The following OR13G1 variants were observed in gnomAD, a reference collection of about 807,000 sequenced individuals.
OR13G1 encodes the protein olfactory receptor family 13 subfamily G member 1, also known as olfactory receptor 13G1.
For missense variants in OR13G1, 369 were observed against 385.7 expected (o/e 0.96, Z 0.36); for synonymous variants, 128 against 136.2 (o/e 0.94, Z 0.42).
intron 1 of OR13G1, among the ~76,000 whole-genome samples, chr1:247,678,493 C>G (rs1263984856): frequency 6.6e-6 from 1 of 152,202 alleles, no homozygotes; most frequent in African/African-American, 2.4e-5. Flanking sequence ...CTCGTACTCT[C>G]ATATTCCTGA....
At chr1:247,678,657 T>G (rs1659398816) in intron 1 of OR13G1, among the ~76,000 whole-genome samples, 2 of 152,230 alleles carry the variant, frequency 1.3e-5, no homozygotes, top group South Asian at 4.1e-4. Flanking sequence ...TGAAAGTAGC[T>G]ACTTCTTAAT....
At chr1:247,675,911 A>C (rs1659337894) in intron 1 of OR13G1, among the ~76,000 whole-genome samples, 1 of 152,092 alleles carries the variant, frequency 6.6e-6, no homozygotes, top group African/African-American at 2.4e-5. Flanking sequence ...TTTGCTGCAA[A>C]TCAAAAGCCA....
Position 247,671,343 on chromosome 1 carries a change from A to T in OR13G1, c.*775T>A, listed in dbSNP as rs748456482. The stretch of plus-strand genomic sequence containing the variant: ...TTGGGTTATGGATGAGACGCCTAGT[A>T]ATACAAAAGCCATTCATGATCCTAG... On this transcript the variant is annotated 3_prime_UTR_variant, in exon 2 of 2. Coordinates refer to ENST00000642119, the MANE Select transcript of OR13G1 (RefSeq NM_001005487.2). The T allele has an allele frequency of 6.6e-6, 1 of 152,050 alleles. No homozygotes were observed. Among genetic ancestry groups the T allele is most frequent in the Non-Finnish European group, 1.5e-5 (1 of 68,014 alleles). 9.4% of individuals were successfully genotyped at this position (152,050 alleles called of 1,614,324 possible).
chr1:247,676,254 G>T (rs1659343912), intron 1 of OR13G1, among the ~76,000 whole-genome samples: 1 of 151,914 alleles, frequency 6.6e-6, no homozygotes, highest in South Asian at 2.1e-4. Context: ...CCAATCAAAG[G>T]TAAAAATAAT....
intron 1 of OR13G1, among the ~76,000 whole-genome samples, chr1:247,677,325 G>A (rs1470847173): frequency 6.6e-6 from 1 of 152,150 alleles, no homozygotes; most frequent in East Asian, 1.9e-4. Context: ...TTGTTGTTAA[G>A]TAGTCGATAA....
At chr1:247,679,355 T>C (rs1176005) in intron 1 of OR13G1, among the ~76,000 whole-genome samples, 58,892 of 151,988 alleles carry the variant, frequency 0.39, 12,335 homozygotes, top group East Asian at 0.59. Flanking sequence ...ACTCCAACTT[T>C]TGCATATTTG....
chr1:247,679,499 TGTG>T (rs1382197338), intron 1 of OR13G1, 138 bp downstream of exon 1: 1 of 144,802 alleles, frequency 6.9e-6, no homozygotes, highest in East Asian at 1.9e-4. Flanking sequence ...TGTGTGTGTG[TGTG>T]TGTGTGTGTG....
At chr1:247,675,093 G>T (rs1659317170) in intron 1 of OR13G1, among the ~76,000 whole-genome samples, 1 of 152,052 alleles carries the variant, frequency 6.6e-6, no homozygotes, top group Admixed American at 6.6e-5. Context: ...AGCGGTTCTG[G>T]TCTGGTCATT....
At position 247,672,184 on chromosome 1, in the gene OR13G1, C is replaced by T. The variant is rs1206625546; in HGVS notation, c.858G>A (p.Val286=). 1 of 1,614,092 alleles carries T rather than the reference C, an allele frequency of 6.2e-7. No individual in the cohort carries two copies. Among genetic ancestry groups the T allele is most frequent in the Non-Finnish European group, 8.5e-7 (1 of 1,179,984 alleles). ...TLVTPTLNPM[V]YSFQNREMQA... is the part of the protein sequence containing the mutation. ...GCATCTCCCTATTCTGGAAGCTGTA[C>T]ACCATCGGGTTTAATGTGGGAGTCA... The change falls in exon 2 of 2, where the codon GTG becomes GTA. Residue 286 remains valine, a synonymous_variant. Coordinates refer to ENST00000642119, the MANE Select transcript of OR13G1 (RefSeq NM_001005487.2).
At chr1:247,676,041 C>T (rs990271626) in intron 1 of OR13G1, among the ~76,000 whole-genome samples, 5 of 151,966 alleles carry the variant, frequency 3.3e-5, no homozygotes, top group African/African-American at 1.2e-4. Flanking sequence ...CAAGAAAAAT[C>T]AGTGAAATTT....
chr1:247,671,838 A>G lies in OR13G1; in HGVS notation c.*280T>C. ...TGCACATATAGGTAAATATTTGTGT[A>G]TATGCATATATAAGTATTCGAAGTT... On this transcript the variant is annotated 3_prime_UTR_variant, in exon 2 of 2. Coordinates refer to ENST00000642119, the MANE Select transcript of OR13G1 (RefSeq NM_001005487.2). 5.2e-6 allele frequency: 2 copies of G among 386,434 alleles called. No homozygotes were observed. The highest frequency in any genetic ancestry group is 1.0e-4 in the South Asian group (2 of 19,426). 23.9% of individuals were successfully genotyped at this position (386,434 alleles called of 1,614,324 possible).
chr1:247,679,322 A>T (rs1659414901), intron 1 of OR13G1, among the ~76,000 whole-genome samples: 1 of 152,188 alleles, frequency 6.6e-6, no homozygotes, highest in Non-Finnish European at 1.5e-5. Context: ...ATGTTAACCT[A>T]AATTTAGTTG....
chr1:247,672,608 A>C lies in OR13G1; in HGVS notation c.434T>G (p.Val145Gly). Residue 145 changes from valine to glycine, a missense_variant, in exon 2 of 2, where the codon GTC becomes GGC. Transcript: ENST00000642119. ...HHMCVALLSMVMAIAVTNSWV... is the reference protein window; with the variant it reads ...HHMCVALLSMGMAIAVTNSWV... ...GGAATTGGTGACTGCAATAGCCATG[A>C]CCATGCTGAGCAAGGCTACACACAT... 7 of 1,614,034 alleles carry C rather than the reference A, an allele frequency of 4.3e-6. No homozygotes were observed. Among genetic ancestry groups the C allele is most frequent in the Non-Finnish European group, 5.9e-6 (7 of 1,179,952 alleles).
rs926364498 is a variant in OR13G1 at position 247,671,495 on chromosome 1, G to A, written c.*623C>T. The stretch of plus-strand genomic sequence containing the variant: ...CAGACTAATGTTGCATGAGGCATAA[G>A]TGTACTCACTGGTTTAAAAGGACTG... On this transcript the variant is annotated 3_prime_UTR_variant, in exon 2 of 2. Coordinates refer to ENST00000642119, the MANE Select transcript of OR13G1 (RefSeq NM_001005487.2). 2 of 153,812 alleles carry A rather than the reference G, an allele frequency of 1.3e-5. No homozygotes were observed. The highest frequency in any genetic ancestry group is 4.8e-5 in the African/African-American group (2 of 41,460). 9.5% of individuals were successfully genotyped at this position (153,812 alleles called of 1,614,324 possible). A position where few individuals can be genotyped will look rare whatever the true frequency, so the allele number is the denominator to read the frequency against.
At position 247,673,294 on chromosome 1, in the gene OR13G1, T is replaced by G. The variant is rs552211796; in HGVS notation, c.-238-15A>C. On this transcript the variant is annotated splice_polypyrimidine_tract_variant and intron_variant, in intron 1 of 1. Transcript: ENST00000642119. ...GATGACTCAAACTGAAGCCAGTGGT[T>G]GAGAAGAAAAATATTTTCAAAATGC... 3.6e-5 allele frequency: 16 copies of G among 447,798 alleles called. No individual in the cohort carries two copies. The highest frequency in any genetic ancestry group is 2.8e-4 in the African/African-American group (14 of 50,676). The allele number at this position is 447,798 out of a possible 1,614,324, so 27.7% of individuals were successfully genotyped here.
intron 1 of OR13G1, among the ~76,000 whole-genome samples, chr1:247,673,554 A>T (rs1327152280): frequency 6.6e-6 from 1 of 152,160 alleles, no homozygotes; most frequent in Non-Finnish European, 1.5e-5. Flanking sequence ...AGGGCTAATT[A>T]TAGTGAGGAT....
Position 247,672,249 on chromosome 1 carries a change from A to T in OR13G1, c.793T>A (p.Phe265Ile). ...TYIRPASSYT[F>I]ERDKVVAALY... is the part of the protein sequence containing the mutation. ...GCAGCTACCACCTTGTCTCTTTCAA[A>T]TGTATAGCTGGAAGCAGGGCGGATA... Residue 265 changes from phenylalanine (F) to isoleucine (I), a missense_variant, in exon 2 of 2, where the codon TTT (phenylalanine) becomes ATT (isoleucine). Coordinates refer to ENST00000642119, the MANE Select transcript of OR13G1 (RefSeq NM_001005487.2). The T allele has an allele frequency of 6.2e-7, 1 of 1,614,108 alleles. No individual in the cohort carries two copies. Among genetic ancestry groups the T allele is most frequent in the South Asian group, 1.1e-5 (1 of 91,084 alleles).
Position 247,673,104 on chromosome 1 carries a change from C to A in OR13G1, c.-63G>T. ...TAAACAACTGAAAATGGAAAGAATC[C>A]CTGTGTTGTTAGGAGATAACATGAG... On this transcript the variant is annotated 5_prime_UTR_variant, in exon 2 of 2. Transcript: ENST00000642119. The A allele has an allele frequency of 7.8e-7, 1 of 1,280,756 alleles. No individual in the cohort carries two copies. Among genetic ancestry groups the A allele is most frequent in the South Asian group, 1.4e-5 (1 of 72,078 alleles). The allele number at this position is 1,280,756 out of a possible 1,614,324, so 79.3% of individuals were successfully genotyped here. A position where few individuals can be genotyped will look rare whatever the true frequency, so the allele number is the denominator to read the frequency against.
At chr1:247,673,965 C>G (rs945763880) in intron 1 of OR13G1, among the ~76,000 whole-genome samples, 3 of 152,068 alleles carry the variant, frequency 2.0e-5, no homozygotes, top group African/African-American at 7.2e-5. Flanking sequence ...AAAATAATTT[C>G]TAGGACACAA....
Sources: allele counts gnomAD v4.1 joint callset (sites outside exome capture counted in the v4.1 genomes callset), GRCh38; gene constraint gnomAD v4.1.1; transcripts MANE v1.5; gene names NCBI Gene and HGNC (gene_info 2026-07-23, HGNC 2026-07-21).